The following MCTP2 variants were observed in gnomAD, a reference collection of about 807,000 sequenced individuals.
MCTP2 encodes the protein multiple C2 and transmembrane domain-containing protein 2.
MCTP2 carries 132 observed loss-of-function variants against 111.6 expected under a neutral mutation model. That is an observed-to-expected ratio of 1.18 (90% CI 1.03 to 1.37). The LOEUF is 1.37. Ranked by LOEUF, MCTP2 falls within the 40% of genes most tolerant of loss-of-function variation. MCTP2 has a pLI of 0.00. For synonymous variants in MCTP2, 395 were observed against 387.7 expected, an observed-to-expected ratio of 1.02 and a Z score of -0.22; for missense variants, 1,183 against 1,067.9, an observed-to-expected ratio of 1.11 and a Z score of -1.50.
intron 6 of MCTP2, 111 bp from the exon 7 acceptor site, chr15:94,340,702 G>C (rs1319383563): frequency 1.6e-6 from 1 of 634,812 alleles, no homozygotes; most frequent in Non-Finnish European, 2.7e-6. Context: ...TTAACATCAT[G>C]TCTAATCCTT....
At chr15:94,263,794 C>T (rs1283308247) in intron 1 of MCTP2, among the ~76,000 whole-genome samples, 2 of 152,176 alleles carry the variant, frequency 1.3e-5, no homozygotes, top group African/African-American at 2.4e-5. Flanking sequence ...TTTTTTTGCA[C>T]GTGTCTGTGA....
chr15:94,306,601 AC>A (rs2152347734), intron 2 of MCTP2, among the ~76,000 whole-genome samples: 1 of 152,332 alleles, frequency 6.6e-6, no homozygotes, highest in Non-Finnish European at 1.5e-5. Context: ...GTCCTTTTAA[AC>A]ACAAGGATAA....
chr15:94,321,950 A>G (rs1339384453), intron 4 of MCTP2, among the ~76,000 whole-genome samples: 1 of 152,236 alleles, frequency 6.6e-6, no homozygotes, highest in East Asian at 1.9e-4. Flanking sequence ...GTGAAAGTGG[A>G]TCATCATAAA....
intron 17 of MCTP2, among the ~76,000 whole-genome samples, chr15:94,417,171 T>A (rs1345766347): frequency 6.6e-6 from 1 of 152,204 alleles, no homozygotes; most frequent in Non-Finnish European, 1.5e-5. Context: ...CCCTTGGCTT[T>A]GGTTTTACCT....
At chr15:94,334,202 T>C (rs180909184) in intron 4 of MCTP2, among the ~76,000 whole-genome samples, 1 of 152,298 alleles carries the variant, frequency 6.6e-6, no homozygotes, top group Admixed American at 6.5e-5. Flanking sequence ...GTTCTCAAAA[T>C]GATCCCTTGA....
chr15:94,393,581 AT>A (rs1465913702), intron 14 of MCTP2, among the ~76,000 whole-genome samples: 1 of 152,196 alleles, frequency 6.6e-6, no homozygotes, highest in Non-Finnish European at 1.5e-5. Context: ...GAGAAAAAAA[AT>A]CTTAAGATAT....
intron 13 of MCTP2, among the ~76,000 whole-genome samples, chr15:94,385,010 A>AT (rs1180631185): frequency 1.3e-5 from 2 of 152,142 alleles, no homozygotes; most frequent in African/African-American, 2.4e-5. Context: ...GGAAATAGTG[A>AT]TTTTTCACCA....
At chr15:94,282,934 C>T (rs1265858334) in intron 1 of MCTP2, among the ~76,000 whole-genome samples, 1 of 152,064 alleles carries the variant, frequency 6.6e-6, no homozygotes, top group African/African-American at 2.4e-5. Flanking sequence ...GAAGTGTTCA[C>T]AGTCCCCTAG....
intron 8 of MCTP2, among the ~76,000 whole-genome samples, chr15:94,353,874 T>G (rs1018157571): frequency 1.3e-5 from 2 of 152,186 alleles, no homozygotes; most frequent in African/African-American, 4.8e-5. Context: ...TATAAACATC[T>G]ATAGATATAT....
intron 15 of MCTP2, 155 bp from the exon 16 acceptor site, chr15:94,399,765 AT>A: frequency 1.6e-6 from 1 of 637,704 alleles, no homozygotes; most frequent in South Asian, 1.9e-5. Flanking sequence ...CTCCAGAAAC[AT>A]GTACAGGGCA....
intron 17 of MCTP2, among the ~76,000 whole-genome samples, chr15:94,436,840 T>A (rs1256746560): frequency 6.6e-6 from 1 of 151,030 alleles, no homozygotes; most frequent in Non-Finnish European, 1.5e-5. Context: ...ACAACCACCA[T>A]TGAGTATGCC....
At chr15:94,261,678 G>C (rs981289690) in intron 1 of MCTP2, among the ~76,000 whole-genome samples, 50 of 152,190 alleles carry the variant, frequency 3.3e-4, no homozygotes, top group African/African-American at 1.1e-3. Context: ...TGATGTTTTT[G>C]TATTCCAGAT....
rs557858625 is a variant in MCTP2 at position 94,297,710 on chromosome 15, G to C, written c.-65-491G>C. Among the ~76,000 whole-genome samples, 234 of 152,272 alleles carry C rather than the reference G, an allele frequency of 1.5e-3. 1 individual carries two copies. Among genetic ancestry groups the C allele is most frequent in the African/African-American group, 5.5e-3 (229 of 41,556 alleles). ...CTGTCTCCTTTGATGTCGCACAGCAGAGTTGAGTAGTAGCGACAGACACCA... is the reference window on the plus strand; with the variant it reads ...CTGTCTCCTTTGATGTCGCACAGCACAGTTGAGTAGTAGCGACAGACACCA... On this transcript the variant is annotated intron_variant, in intron 1 of 22. Transcript: ENST00000357742.
At chr15:94,331,469 G>A (rs1295207245) in intron 4 of MCTP2, among the ~76,000 whole-genome samples, 1 of 152,126 alleles carries the variant, frequency 6.6e-6, no homozygotes, top group Admixed American at 6.5e-5. Flanking sequence ...TGGAGGTCTG[G>A]GATGGTATGG....
intron 17 of MCTP2, among the ~76,000 whole-genome samples, chr15:94,418,760 A>G (rs2152491922): frequency 6.6e-6 from 1 of 152,254 alleles, no homozygotes; most frequent in Middle Eastern, 3.4e-3. Context: ...CATTAAAGGG[A>G]TGGAATTTTA....
intron 17 of MCTP2, among the ~76,000 whole-genome samples, chr15:94,420,978 C>T (rs888452012): frequency 6.6e-6 from 1 of 152,080 alleles, no homozygotes; most frequent in Admixed American, 6.6e-5. Flanking sequence ...AAGAAATTGC[C>T]ACAGCCACCC....
intron 7 of MCTP2, among the ~76,000 whole-genome samples, chr15:94,344,298 A>T (rs1456079170): frequency 6.6e-6 from 1 of 152,238 alleles, no homozygotes; most frequent in Non-Finnish European, 1.5e-5. Context: ...ATATTGGCAA[A>T]GTGGATCGGT....
chr15:94,404,393 C>A (rs1196693220), intron 17 of MCTP2, among the ~76,000 whole-genome samples: 1 of 151,412 alleles, frequency 6.6e-6, no homozygotes, highest in Non-Finnish European at 1.5e-5. Context: ...CCCCTGCCTC[C>A]CGGGTTCAAG....
chr15:94,305,662 G>A (rs1259721293), intron 2 of MCTP2, among the ~76,000 whole-genome samples: 1 of 152,068 alleles, frequency 6.6e-6, no homozygotes, highest in Admixed American at 6.5e-5. Flanking sequence ...TGATATGCAT[G>A]TATATTGATT....
Sources: gnomAD v4.1 joint callset for allele counts (sites outside exome capture counted in the v4.1 genomes callset) on GRCh38, gnomAD v4.1.1 for gene constraint, MANE v1.5 for transcripts, NCBI Gene and HGNC (gene_info 2026-07-23, HGNC 2026-07-21) for gene names.